RGPD3: variants seen among roughly 807,000 people sequenced by gnomAD.
RGPD3 encodes the protein RANBP2 like and GRIP domain containing 3.
Under a neutral mutation model 154.5 loss-of-function variants are expected in RGPD3, and 62 were observed. The ratio of observed to expected loss-of-function variants is 0.40; its 90% CI spans 0.33 to 0.50. The LOEUF (loss-of-function observed/expected upper bound fraction) is 0.50. Ranked by LOEUF, RGPD3 falls within the 20% of genes least tolerant of loss-of-function variation. The pLI is 0.59. For missense variants in RGPD3, 919 were observed against 1,716.8 expected, an observed-to-expected ratio of 0.54 and a Z score of 8.21; for synonymous variants, 308 against 607.0, an observed-to-expected ratio of 0.51 and a Z score of 7.24.
At chr2:106,425,347 C>G in intron 19 of RGPD3, 81 bp from the exon 20 acceptor site, 1 of 1,582,190 alleles carries the variant, frequency 6.3e-7, no homozygotes, top group South Asian at 1.2e-5. Context: ...CATTCCTAAA[C>G]AATTTATCAA....
chr2:106,407,390 G>A (rs1208664832), intron 22 of RGPD3, among the ~76,000 whole-genome samples: 1 of 152,108 alleles, frequency 6.6e-6, no homozygotes, highest in Admixed American at 6.5e-5. Context: ...GAGGCAATGA[G>A]GGCAAAGAAC....
At position 106,468,363 on chromosome 2, in the gene RGPD3, A is replaced by G. The variant is rs1678716223; in HGVS notation, c.-75T>C. 1 of 1,548,004 alleles carries G rather than the reference A, an allele frequency of 6.5e-7. No homozygotes were observed. Among genetic ancestry groups the G allele is most frequent in the African/African-American group, 1.4e-5 (1 of 73,036 alleles). On this transcript the variant is annotated 5_prime_UTR_variant, in exon 1 of 23. Transcript: ENST00000409886. ...GCAGCAGTCGCCAATTCCAAGAGGA[A>G]AGCGCCTGAAAGCCACTGAGGCAGC...
At chr2:106,467,162 G>A (rs1678641309) in intron 1 of RGPD3, among the ~76,000 whole-genome samples, 1 of 18,026 alleles carries the variant, frequency 5.5e-5, no homozygotes, top group Admixed American at 5.9e-4. Context: ...GAGCCATGAC[G>A]CCTGAGCCAT....
intron 1 of RGPD3, among the ~76,000 whole-genome samples, chr2:106,460,422 C>T (rs1326254223): frequency 3.3e-5 from 5 of 149,618 alleles, no homozygotes; most frequent in Admixed American, 2.7e-4. Context: ...ATGTACTGTT[C>T]TCTCTACAGA....
chr2:106,420,099 G>GT (rs59371115), intron 20 of RGPD3, among the ~76,000 whole-genome samples: 23,411 of 149,370 alleles, frequency 0.16, 2,430 homozygotes, highest in East Asian at 0.61. Flanking sequence ...ACATAAGCAA[G>GT]TATTAGTATA....
At chr2:106,441,677 A>G (rs1457771636) in intron 7 of RGPD3, among the ~76,000 whole-genome samples, 1 of 149,702 alleles carries the variant, frequency 6.7e-6, no homozygotes, top group Non-Finnish European at 1.5e-5. Context: ...CAACATGGTG[A>G]AACACAGTCT....
intron 6 of RGPD3, among the ~76,000 whole-genome samples, chr2:106,448,308 T>G (rs2439154): frequency 2.6e-5 from 4 of 152,198 alleles, no homozygotes. Context: ...GACAGGGTTT[T>G]ACTATGTTGG....
intron 6 of RGPD3, among the ~76,000 whole-genome samples, chr2:106,449,885 C>T (rs1386585718): frequency 6.6e-6 from 1 of 151,706 alleles, no homozygotes; most frequent in African/African-American, 2.4e-5. Flanking sequence ...GGTGTGGTGG[C>T]AGGCACCTGT....
At chr2:106,466,132 G>C (rs1678571513) in intron 1 of RGPD3, among the ~76,000 whole-genome samples, 1 of 152,084 alleles carries the variant, frequency 6.6e-6, no homozygotes, top group East Asian at 1.9e-4. Flanking sequence ...GCCCGGGCCA[G>C]GACGGGCCCA....
intron 22 of RGPD3, among the ~76,000 whole-genome samples, chr2:106,412,321 T>TTG (rs1676699337): frequency 4.0e-5 from 4 of 99,978 alleles, no homozygotes; most frequent in Admixed American, 1.2e-4. Flanking sequence ...TTTTTTTTTT[T>TTG]TTTTTTTTTT....
chr2:106,408,924 A>C (rs1265805680), intron 22 of RGPD3, among the ~76,000 whole-genome samples: 1 of 151,656 alleles, frequency 6.6e-6, no homozygotes, highest in Non-Finnish European at 1.5e-5. Context: ...GTTCTCAAGC[A>C]ATCCTCCTGC....
intron 1 of RGPD3, among the ~76,000 whole-genome samples, chr2:106,466,451 G>C (rs1460911327): frequency 6.9e-4 from 79 of 114,210 alleles, no homozygotes; most frequent in African/African-American, 2.5e-3. Context: ...CATCGAGGCC[G>C]CCGCTGGGCC....
At chr2:106,451,087 CAAAA>C (rs10690405) in intron 6 of RGPD3, among the ~76,000 whole-genome samples, 1 of 108,718 alleles carries the variant, frequency 9.2e-6, no homozygotes, top group East Asian at 2.4e-4. Context: ...GACTCCCTCT[CAAAA>C]AAAAAAAAAC....
rs900771939 is a variant in RGPD3 at position 106,411,561 on chromosome 2, G to T, written c.5266+1523C>A. Among the ~76,000 whole-genome samples the T allele has an allele frequency of 1.5e-3, 219 of 150,408 alleles. 1 individual carries two copies. The highest frequency in any genetic ancestry group is 6.9e-3 in the Middle Eastern group (2 of 290). On this transcript the variant is annotated intron_variant, in intron 22 of 22. Transcript: ENST00000409886. ...AACAACAAAATGGCCGGGCGTGGTG[G>T]CTCACACCTGTAATCCCAGCACTTT...
At chr2:106,442,163 CAG>C (rs1677768457) in intron 7 of RGPD3, among the ~76,000 whole-genome samples, 1 of 85,212 alleles carries the variant, frequency 1.2e-5, no homozygotes, top group East Asian at 2.7e-4. Context: ...GCTTGGGCGA[CAG>C]AGTGAGACCC....
intron 20 of RGPD3, among the ~76,000 whole-genome samples, chr2:106,421,589 A>G (rs1676988878): frequency 6.6e-6 from 1 of 151,714 alleles, no homozygotes; most frequent in South Asian, 2.1e-4. Context: ...GTTCCACTCT[A>G]GTAGCCACAC....
chr2:106,465,489 C>T (rs1407723864), intron 1 of RGPD3, among the ~76,000 whole-genome samples: 1 of 150,792 alleles, frequency 6.6e-6, no homozygotes, highest in Non-Finnish European at 1.5e-5. Flanking sequence ...TAACTTCTGT[C>T]TAGACCAGTG....
At chr2:106,426,706 A>T (rs1460849029) in intron 18 of RGPD3, among the ~76,000 whole-genome samples, 1 of 152,250 alleles carries the variant, frequency 6.6e-6, no homozygotes, top group African/African-American at 2.4e-5. Flanking sequence ...ACTAGAAGGC[A>T]CCCCTGTTAA....
At position 106,467,719 on chromosome 2, in the gene RGPD3, C is replaced by T. The variant is rs747159895; in HGVS notation, c.72+498G>A. 8.3e-3 allele frequency among the ~76,000 whole-genome samples: 1,058 copies of T among 127,710 alleles called. 3 individuals carry two copies. The highest frequency in any genetic ancestry group is 0.024 in the Middle Eastern group (4 of 164). 83.8% of individuals were successfully genotyped at this position (127,710 alleles called of 152,430 possible). A position where few individuals can be genotyped will look rare whatever the true frequency, so the allele number is the denominator to read the frequency against. ...GGCAGCCGCCGGGCCAGGTCGAGGC[C>T]GCCGCCTCAACAGAGCGCGCCAGGG... is the stretch of plus-strand genomic sequence containing the variant. On this transcript the variant is annotated intron_variant, in intron 1 of 22. Coordinates refer to ENST00000409886, the MANE Select transcript of RGPD3 (RefSeq NM_001144013.2).
Sources: allele counts gnomAD v4.1 joint callset (sites outside exome capture counted in the v4.1 genomes callset), GRCh38; gene constraint gnomAD v4.1.1; transcripts MANE v1.5; gene names NCBI Gene and HGNC (gene_info 2026-07-23, HGNC 2026-07-21).